Variants in MEIS3 observed in about 807,000 individuals in gnomAD.
MEIS3 encodes homeobox protein Meis3.
In MEIS3, 38 loss-of-function variants were observed where a neutral mutation model predicts 51.4. That is an observed-to-expected ratio of 0.74 (90% CI 0.57 to 0.97). MEIS3 has a LOEUF of 0.97. Ranked by LOEUF, MEIS3 falls within the 50% of genes least tolerant of loss-of-function variation. MEIS3 has a pLI of 0.00. For missense variants in MEIS3, 456 were observed against 502.6 expected (o/e 0.91, Z 0.89); for synonymous variants, 198 against 201.8 (o/e 0.98, Z 0.16).
At position 47,406,936 on chromosome 19, in the gene MEIS3, T is replaced by G; in HGVS notation, c.1030A>C (p.Ile344Leu). The G allele has an allele frequency of 1.9e-6, 3 of 1,579,354 alleles. No homozygotes were observed. The highest frequency in any genetic ancestry group is 2.7e-5 in the African/African-American group (2 of 74,542). ...GGCTGCGTCTCGGTATAGCCCCCGATGGGCTGGCCCTCTGGGCTGAAGGCT... is the reference window on the plus strand; with the variant it reads ...GGCTGCGTCTCGGTATAGCCCCCGAGGGGCTGGCCCTCTGGGCTGAAGGCT... ...GAAFSPEGQP[I>L]GGYTETQPHV... The change falls in exon 11 of 13, where the codon ATC becomes CTC. Residue 344 changes from isoleucine to leucine, a missense_variant. By Grantham distance (5) the Ile-to-Leu change is conservative. Transcript: ENST00000558555.
intron 4 of MEIS3, among the ~76,000 whole-genome samples, chr19:47,415,618 G>A (rs1312198914): frequency 6.9e-6 from 1 of 144,176 alleles, no homozygotes; most frequent in African/African-American, 2.6e-5. Flanking sequence ...CTGTTGCCCA[G>A]GCTGGAATGC....
At chr19:47,416,052 C>T (rs1971395969) in intron 4 of MEIS3, 1 of 152,522 alleles carries the variant, frequency 6.6e-6, no homozygotes, top group African/African-American at 2.4e-5. Flanking sequence ...GTGCATGCCA[C>T]CACACCCCGC....
chr19:47,409,329 C>T (rs1971008363), intron 7 of MEIS3, 82 bp from the exon 8 acceptor site: 3 of 1,577,848 alleles, frequency 1.9e-6, no homozygotes, highest in Non-Finnish European at 2.6e-6. Flanking sequence ...CCCAAGACAA[C>T]ACTCCACACC....
chr19:47,417,086 G>C, intron 2 of MEIS3, 92 bp downstream of exon 2: 3 of 1,536,806 alleles, frequency 2.0e-6, no homozygotes, highest in Non-Finnish European at 2.6e-6. Flanking sequence ...ACAGAGACTC[G>C]TACACAGAGA....
intron 6 of MEIS3, among the ~76,000 whole-genome samples, chr19:47,411,125 C>T (rs184970800): frequency 2.5e-4 from 38 of 152,032 alleles, no homozygotes; most frequent in South Asian, 2.1e-4. Flanking sequence ...TTAGTAGAGA[C>T]GGCGTTTCAC....
chr19:47,406,241 A>G (rs1030799903), intron 12 of MEIS3: 3 of 476,924 alleles, frequency 6.3e-6, no homozygotes, highest in Admixed American at 3.7e-5. Context: ...TGGGTGAGTG[A>G]GTGGGTAGAT....
rs377447359 is a variant in MEIS3 at position 47,414,570 on chromosome 19, T to C, written c.597+147A>G. On this transcript the variant is annotated intron_variant, in intron 6 of 12. Coordinates refer to ENST00000558555, the MANE Select transcript of MEIS3 (RefSeq NM_001301059.2). ...CCGAGTCTGCGTAGCTGTTGTGTAG[T>C]GGGTGTGTGGCTGTGTGCATATGCG... The C allele has an allele frequency of 3.1e-4, 276 of 888,084 alleles. No homozygotes were observed. In the African/African-American group the frequency reaches 4.2e-3, roughly 14 times the overall value. 55.0% of individuals were successfully genotyped at this position (888,084 alleles called of 1,614,324 possible). A position where few individuals can be genotyped will look rare whatever the true frequency, so the allele number is the denominator to read the frequency against.
chr19:47,408,960 T>C, intron 8 of MEIS3, 139 bp downstream of exon 8: 1 of 961,878 alleles, frequency 1.0e-6, no homozygotes, highest in Non-Finnish European at 1.6e-6. Context: ...CTGTCACAAT[T>C]CTCCACCTCC....
chr19:47,407,150 C>A lies in MEIS3; in HGVS notation c.936-13G>T. On this transcript the variant is annotated splice_polypyrimidine_tract_variant and intron_variant, in intron 9 of 12. Coordinates refer to ENST00000558555, the MANE Select transcript of MEIS3 (RefSeq NM_001301059.2). ...GGCGTTAATGAACCTGGGAGGCGGT[C>A]ATGGAAACGGAGGGGAATGAAAAGA... 6.2e-7 allele frequency: 1 copy of A among 1,606,086 alleles called. No individual in the cohort carries two copies. The highest frequency in any genetic ancestry group is 1.3e-5 in the African/African-American group (1 of 74,826).
At chr19:47,421,544 C>T (rs1009113120), upstream of MEIS3, among the ~76,000 whole-genome samples, 3 of 152,142 alleles carry the variant, frequency 2.0e-5, no homozygotes, top group Non-Finnish European at 4.4e-5. Flanking sequence ...TTATCAACCG[C>T]TCTGTGTCTG....
At chr19:47,407,236 C>G in intron 9 of MEIS3, 99 bp from the exon 10 acceptor site, 1 of 1,484,760 alleles carries the variant, frequency 6.7e-7, no homozygotes, top group Non-Finnish European at 9.0e-7. Flanking sequence ...GCGGGGGAGG[C>G]AGAGCGGGGC....
rs374381739 is a variant in MEIS3, at chr19:47,414,363, G to A, written c.597+354C>T. Reference sequence around the variant, plus strand: ...CGGCTGTGTGTTCTATGCTGCTGTCGTATGGCTGGGCTGGGGGGCGTGTGT... The same window carrying A: ...CGGCTGTGTGTTCTATGCTGCTGTCATATGGCTGGGCTGGGGGGCGTGTGT... On this transcript the variant is annotated intron_variant, in intron 6 of 12. Coordinates refer to ENST00000558555, the MANE Select transcript of MEIS3 (RefSeq NM_001301059.2). Among the ~76,000 whole-genome samples, 93 of 152,230 alleles carry A rather than the reference G, an allele frequency of 6.1e-4. 1 individual carries two copies. Among genetic ancestry groups the A allele is most frequent in the African/African-American group, 1.9e-3 (77 of 41,534 alleles).
chr19:47,412,892 C>T (rs982130867), intron 6 of MEIS3, among the ~76,000 whole-genome samples: 3 of 151,628 alleles, frequency 2.0e-5, no homozygotes, highest in East Asian at 2.0e-4. Context: ...TTAGTAGAGC[C>T]GGGTTTTTGC....
intron 3 of MEIS3, 38 bp from the exon 4 acceptor site, chr19:47,416,740 G>A (rs375402172): frequency 2.2e-5 from 36 of 1,610,760 alleles, no homozygotes; most frequent in Admixed American, 6.7e-5. Context: ...GGGATGTCCC[G>A]CCTTCCACCC....
chr19:47,409,232 G>C lies in MEIS3; in HGVS notation c.725C>G (p.Thr242Ser). 1 of 1,612,310 alleles carries C rather than the reference G, an allele frequency of 6.2e-7. No individual in the cohort carries two copies. The highest frequency in any genetic ancestry group is 8.5e-7 in the Non-Finnish European group (1 of 1,179,580). The part of the protein sequence containing the change: ...NSSDQGDGLD[T>S]SVASPSSGGE... The stretch of plus-strand genomic sequence containing the variant: ...ACCAGAACTGGGAGAGGCCACGCTG[G>C]TGTCCAGCCCGTCTCCTGAGGGAAG... Residue 242 changes from threonine to serine, a missense_variant, in exon 8 of 13, where the codon ACC (threonine) becomes AGC (serine). Transcript: ENST00000558555.
upstream of MEIS3, among the ~76,000 whole-genome samples, chr19:47,420,761 T>C (rs1971677308): frequency 6.8e-6 from 1 of 147,946 alleles, no homozygotes; most frequent in Non-Finnish European, 1.5e-5. Context: ...GGGAGAGAAA[T>C]TGATTGGGGG....
intron 5 of MEIS3, 53 bp downstream of exon 5, chr19:47,414,997 AG>A: frequency 1.5e-6 from 1 of 654,252 alleles, no homozygotes; most frequent in Non-Finnish European, 2.0e-6. Flanking sequence ...AGGCGACGAG[AG>A]GGGGTGGGAT....
Position 47,416,866 on chromosome 19 carries a change from G to A in MEIS3, c.283C>T (p.Pro95Ser), listed in dbSNP as rs1302242061. Reference sequence around the variant, plus strand: ...TCAGAGGAGCAGACGTCACCTCCAGGGGGTGTCCCCAGCCCAGCTCCGGCC... The same window carrying A: ...TCAGAGGAGCAGACGTCACCTCCAGAGGGTGTCCCCAGCCCAGCTCCGGCC... ...DGAGAGLGTP[P>S]GGDVCSSDSF... The change falls in exon 3 of 13, where the codon CCT becomes TCT. Residue 95 changes from proline to serine, a missense_variant. By Grantham distance (74) the Pro-to-Ser change is moderately conservative (BLOSUM62 -1). Transcript: ENST00000558555. 1 of 1,614,042 alleles carries A rather than the reference G, an allele frequency of 6.2e-7. No homozygotes were observed. Among genetic ancestry groups the A allele is most frequent in the Non-Finnish European group, 8.5e-7 (1 of 1,179,998 alleles).
chr19:47,409,669 A>G (rs774706882), intron 6 of MEIS3, 122 bp from the exon 7 acceptor site: 46 of 613,482 alleles, frequency 7.5e-5, no homozygotes, highest in Non-Finnish European at 1.2e-4. Context: ...CAAGACCATC[A>G]TGGCTAACAT....
Sources: gnomAD v4.1 joint callset for allele counts (sites outside exome capture counted in the v4.1 genomes callset) on GRCh38, gnomAD v4.1.1 for gene constraint, MANE v1.5 for transcripts, NCBI Gene and HGNC (gene_info 2026-07-23, HGNC 2026-07-21) for gene names.